Variants in ACSBG1 observed in about 807,000 individuals in gnomAD.
The protein encoded by ACSBG1 is acyl-CoA synthetase bubblegum family member 1.
Under a neutral mutation model 80.2 loss-of-function variants are expected in ACSBG1, and 39 were observed. That is an observed-to-expected ratio of 0.49 (90% CI 0.38 to 0.64). The LOEUF is 0.64. Ranked by LOEUF, ACSBG1 falls within the 30% of genes least tolerant of loss-of-function variation. The probability of loss-of-function intolerance (pLI) is 0.00; values close to 1 mark genes in which losing one functional copy is unlikely to be tolerated. For missense variants in ACSBG1, 828 were observed against 966.4 expected, an observed-to-expected ratio of 0.86 and a Z score of 1.90; for synonymous variants, 392 against 379.5, an observed-to-expected ratio of 1.03 and a Z score of -0.38.
In ACSBG1 at chr15:78,171,350, A is replaced by G; in HGVS notation, c.*94T>C. The G allele has an allele frequency of 9.7e-7, 1 of 1,026,958 alleles. No homozygotes were observed. Among genetic ancestry groups the G allele is most frequent in the Non-Finnish European group, 1.5e-6 (1 of 685,982 alleles). The allele number at this position is 1,026,958 out of a possible 1,614,324, so 63.6% of individuals were successfully genotyped here. A position where few individuals can be genotyped will look rare whatever the true frequency, so the allele number is the denominator to read the frequency against. Reference sequence around the variant, plus strand: ...CTGGAGATCTAACAGACTTGGCAGAAATGCCTGTGCCCAGACTGAAGAGAC... The same window carrying G: ...CTGGAGATCTAACAGACTTGGCAGAGATGCCTGTGCCCAGACTGAAGAGAC... On this transcript the variant is annotated 3_prime_UTR_variant, in exon 14 of 14. Transcript: ENST00000258873.
At chr15:78,198,493 C>T (rs2075135416) in intron 2 of ACSBG1, among the ~76,000 whole-genome samples, 1 of 151,918 alleles carries the variant, frequency 6.6e-6, no homozygotes, top group African/African-American at 2.4e-5. Context: ...ATTACAGGTG[C>T]CCGCCACCAT....
rs2075081204 is a variant in ACSBG1 at position 78,193,738 on chromosome 15, G to A, written c.543-112C>T. 1.0e-5 allele frequency: 15 copies of A among 1,474,686 alleles called. No homozygotes were observed. The Admixed American group carries it at 1.4e-4, about 14-fold the overall frequency. 91.4% of individuals were successfully genotyped at this position (1,474,686 alleles called of 1,614,324 possible). A position where few individuals can be genotyped will look rare whatever the true frequency, so the allele number is the denominator to read the frequency against. On this transcript the variant is annotated intron_variant, in intron 4 of 13. Transcript: ENST00000258873. ...CCAGAGAGCTCCCATAGCCTGGCAG[G>A]AGGGGCTCCCAAGGCACCTGAGCAC...
chr15:78,219,813 T>A (rs1419702692), intron 1 of ACSBG1, among the ~76,000 whole-genome samples: 2 of 152,086 alleles, frequency 1.3e-5, no homozygotes, highest in Non-Finnish European at 2.9e-5. Flanking sequence ...TGAAACCCCG[T>A]CTCTATTAAA....
chr15:78,179,740 C>A lies in ACSBG1; in HGVS notation c.1294G>T (p.Val432Leu). 1 of 1,613,842 alleles carries A rather than the reference C, an allele frequency of 6.2e-7. No individual in the cohort carries two copies. The highest frequency in any genetic ancestry group is 8.5e-7 in the Non-Finnish European group (1 of 1,180,004). ...PFTTRLADYL[V>L]LAKVRQALGF... The stretch of plus-strand genomic sequence containing the variant: ...AGTGCCTGGCGAACCTTGGCTAGCA[C>A]CAGGTAATCTGCCAGTCTGGTTGTG... The change falls in exon 10 of 14, where the codon GTG becomes TTG. Residue 432 changes from valine to leucine, a missense_variant. Transcript: ENST00000258873.
At chr15:78,191,009 C>G (rs1417389702) in intron 5 of ACSBG1, among the ~76,000 whole-genome samples, 1 of 152,132 alleles carries the variant, frequency 6.6e-6, no homozygotes, top group Non-Finnish European at 1.5e-5. Context: ...TATGTGCTGT[C>G]TACAAGAAAC....
chr15:78,187,058 A>C (rs1277793891), intron 5 of ACSBG1, among the ~76,000 whole-genome samples: 1 of 152,198 alleles, frequency 6.6e-6, no homozygotes, highest in East Asian at 1.9e-4. Context: ...CTACTCAAAT[A>C]AACTAGAAAA....
chr15:78,179,693 C>T lies in ACSBG1; in HGVS notation c.1341G>A (p.Lys447=). The change falls in exon 10 of 14, where the codon AAG becomes AAA. Residue 447 remains lysine (K), a synonymous_variant. Transcript: ENST00000258873. ...RQALGFAKCQ[K]NFYGAAPMMA... ...TCATGGGGGCCGCTCCATAGAAGTT[C>T]TTTTGACACTTGGCAAATCCCAGTG... is the stretch of plus-strand genomic sequence containing the variant. 6.2e-7 allele frequency: 1 copy of T among 1,614,170 alleles called. No homozygotes were observed. The highest frequency in any genetic ancestry group is 8.5e-7 in the Non-Finnish European group (1 of 1,180,044).
intron 1 of ACSBG1, among the ~76,000 whole-genome samples, chr15:78,225,645 C>A (rs2075394606): frequency 6.6e-6 from 1 of 151,316 alleles, no homozygotes; most frequent in Non-Finnish European, 1.5e-5. Flanking sequence ...CAATTTACTC[C>A]CAGTCAAATT....
chr15:78,169,040 A>G lies in ACSBG1; in HGVS notation c.*2404T>C, dbSNP rs2074787075. On this transcript the variant is annotated 3_prime_UTR_variant, in exon 14 of 14. Transcript: ENST00000258873. ...AACTGGCATTTACATCAGTCACTCT[A>G]AATGGACACCACATGAACCTCTGTT... 7.6e-7 allele frequency: 1 copy of G among 1,307,332 alleles called. No individual in the cohort carries two copies. Among genetic ancestry groups the G allele is most frequent in the Admixed American group, 1.7e-5 (1 of 58,444 alleles). 81.0% of individuals were successfully genotyped at this position (1,307,332 alleles called of 1,614,324 possible).
chr15:78,228,585 G>A (rs148914523), intron 1 of ACSBG1, among the ~76,000 whole-genome samples: 23 of 152,298 alleles, frequency 1.5e-4, no homozygotes, highest in African/African-American at 5.3e-4. Context: ...TGGCTTGGGC[G>A]GACTTGCATT....
rs2074932025 is a variant in ACSBG1 at position 78,180,611 on chromosome 15, A to G, written c.1253+144T>C. Reference sequence around the variant, plus strand: ...AACGCACAGGAGCTCAAGCCCAGTCATTGATGGGGCCTCTGCACGGGGTCT... The same window carrying G: ...AACGCACAGGAGCTCAAGCCCAGTCGTTGATGGGGCCTCTGCACGGGGTCT... On this transcript the variant is annotated intron_variant, in intron 9 of 13. Transcript: ENST00000258873. 3 of 1,041,448 alleles carry G rather than the reference A, an allele frequency of 2.9e-6. No individual in the cohort carries two copies. The African/African-American group carries it at 4.8e-5, about 17-fold the overall frequency. 64.5% of individuals were successfully genotyped at this position (1,041,448 alleles called of 1,614,324 possible).
intron 1 of ACSBG1, among the ~76,000 whole-genome samples, chr15:78,216,365 T>C (rs939284402): frequency 6.6e-6 from 1 of 152,082 alleles, no homozygotes; most frequent in African/African-American, 2.4e-5. Context: ...GGTATAATGA[T>C]GTTAAAGGAA....
Position 78,182,714 on chromosome 15 carries a change from A to G in ACSBG1, c.735T>C (p.Asn245=), listed in dbSNP as rs374672028. ...YKEPPPNKMA[N]VYTMEEFMEL... ...GCCCCACTGCCCATACCGTGTACAC[A>G]TTGGCCATCTTGTTTGGAGGAGGTT... The change falls in exon 6 of 14, where the codon AAT becomes AAC. Residue 245 remains asparagine (N), a synonymous_variant. Coordinates refer to ENST00000258873, the MANE Select transcript of ACSBG1 (RefSeq NM_015162.5). 5.6e-6 allele frequency: 9 copies of G among 1,614,176 alleles called. No homozygotes were observed. The highest frequency in any genetic ancestry group is 4.4e-5 in the South Asian group (4 of 91,090).
Position 78,179,541 on chromosome 15 carries a change from G to A in ACSBG1, c.1484+9C>T, listed in dbSNP as rs759229619. 7.5e-6 allele frequency: 12 copies of A among 1,605,568 alleles called. No individual in the cohort carries two copies. The African/African-American group carries it at 8.0e-5, about 11-fold the overall frequency. ...GGGTGTGCATGTGTGTGGCAGCCTC[G>A]AGCCTCACCTGTACAGCCGGTAGTT... On this transcript the variant is annotated intron_variant, in intron 10 of 13. Transcript: ENST00000258873.
Position 78,193,542 on chromosome 15 carries a change from CATG to C in ACSBG1, c.624_626del (p.Ile208del). 6.2e-7 allele frequency: 1 copy of C among 1,613,376 alleles called. No homozygotes were observed. Among genetic ancestry groups the C allele is most frequent in the East Asian group, 2.2e-5 (1 of 44,866 alleles). ...TTTCCAGCTGCTTCTGCGTGTCGAC[CATG>C]ATGACATTGGCGCAGCAGTCATAAG... is the stretch of plus-strand genomic sequence containing the variant. On this transcript the variant is annotated inframe_deletion, in exon 5 of 14. Coordinates refer to ENST00000258873, the MANE Select transcript of ACSBG1 (RefSeq NM_015162.5).
chr15:78,194,806 G>A (rs569421437), intron 2 of ACSBG1, 80 bp from the exon 3 acceptor site: 183 of 1,419,584 alleles, frequency 1.3e-4, no homozygotes, highest in African/African-American at 9.8e-4. Flanking sequence ...CTCGCAGCCC[G>A]TCTGGTGCTG....
At chr15:78,195,421 T>G (rs2075104495) in intron 2 of ACSBG1, among the ~76,000 whole-genome samples, 1 of 151,972 alleles carries the variant, frequency 6.6e-6, no homozygotes, top group Non-Finnish European at 1.5e-5. Context: ...TGTACCTGAT[T>G]CCACAGCTCA....
rs1470347151 is a variant in ACSBG1 at position 78,168,949 on chromosome 15, G to A, written c.*2495C>T. The A allele has an allele frequency of 2.5e-6, 4 of 1,603,286 alleles. No individual in the cohort carries two copies. The highest frequency in any genetic ancestry group is 3.4e-6 in the Non-Finnish European group (4 of 1,171,364). On this transcript the variant is annotated 3_prime_UTR_variant, in exon 14 of 14. Transcript: ENST00000258873. The stretch of plus-strand genomic sequence containing the variant: ...CTTGACAAAAGATTTGGGAGGCAAT[G>A]CAAAATGCTCAGACTTCACAGAGGA...
At chr15:78,229,932 G>GT (rs1386656118) in intron 1 of ACSBG1, among the ~76,000 whole-genome samples, 2 of 152,138 alleles carry the variant, frequency 1.3e-5, no homozygotes, top group Non-Finnish European at 2.9e-5. Flanking sequence ...ATGGCCACCC[G>GT]TAACATCTTC....
Sources: gnomAD v4.1 joint callset for allele counts (sites outside exome capture counted in the v4.1 genomes callset) on GRCh38, gnomAD v4.1.1 for gene constraint, MANE v1.5 for transcripts, NCBI Gene and HGNC (gene_info 2026-07-23, HGNC 2026-07-21) for gene names.